Variants in DNAAF5 observed in about 807,000 individuals in gnomAD.
DNAAF5 encodes the protein dynein axonemal assembly factor 5, also known as HEAT repeat containing 2.
Under a neutral mutation model 75.8 loss-of-function variants are expected in DNAAF5, and 64 were observed. That is an observed-to-expected ratio of 0.84 (90% CI 0.69 to 1.04). The LOEUF is 1.04. Among genes scored for constraint, DNAAF5 ranks in the 50% least tolerant of loss-of-function variants. DNAAF5 has a pLI of 0.00. For missense variants in DNAAF5, 1,269 were observed against 1,178.5 expected (o/e 1.08, Z -1.12); for synonymous variants, 657 against 557.2 (o/e 1.18, Z -2.52).
In DNAAF5 at chr7:729,718, C is replaced by T; in HGVS notation, c.651C>T (p.Ser217=). ...TCGGGCCCCTGATGCAGACCATCTC[C>T]CACCAGCACTGGAAGGTCCGTGTGG... ...SLIGPLMQTI[S]HQHWKVRVAA... is the part of the protein sequence containing the mutation. Residue 217 remains serine, a synonymous_variant, in exon 2 of 13, where the codon TCC becomes TCT. Transcript: ENST00000297440. 6.2e-7 allele frequency: 1 copy of T among 1,614,158 alleles called. No individual in the cohort carries two copies. The highest frequency in any genetic ancestry group is 8.5e-7 in the Non-Finnish European group (1 of 1,180,022).
At chr7:741,771 C>T (rs905641920) in intron 4 of DNAAF5, among the ~76,000 whole-genome samples, 1 of 152,218 alleles carries the variant, frequency 6.6e-6, no homozygotes. Flanking sequence ...GTCCGCCCCC[C>T]TCCGTTGGCT....
At position 754,656 on chromosome 7, in the gene DNAAF5, G is replaced by A. The variant is rs535182648; in HGVS notation, c.1092G>A (p.Leu364=). The change falls in exon 5 of 13, where the codon CTG becomes CTA. Residue 364 remains leucine (L), a synonymous_variant. Transcript: ENST00000297440. The surrounding 1 kb of genome is among the most constrained non-coding windows in gnomAD (Gnocchi z 4.8). Reference sequence around the variant, plus strand: ...ACCTCTCCAAGATCCTCCCTGCCCTGTGCCACGACATCACCGACTGGGTGG... The same window carrying A: ...ACCTCTCCAAGATCCTCCCTGCCCTATGCCACGACATCACCGACTGGGTGG... The part of the protein sequence containing the change: ...FRNLSKILPA[L]CHDITDWVVG... 2 of 1,614,154 alleles carry A rather than the reference G, an allele frequency of 1.2e-6. No individual in the cohort carries two copies. The highest frequency in any genetic ancestry group is 4.5e-5 in the East Asian group (2 of 44,876).
chr7:762,746 C>T (rs1178721749), intron 7 of DNAAF5, among the ~76,000 whole-genome samples: 7 of 151,680 alleles, frequency 4.6e-5, no homozygotes, highest in Non-Finnish European at 7.4e-5. Flanking sequence ...CCTGAGTAGC[C>T]GGGATTACAG....
intron 11 of DNAAF5, among the ~76,000 whole-genome samples, chr7:775,617 T>C (rs1778736293): frequency 6.6e-6 from 1 of 152,222 alleles, no homozygotes; most frequent in South Asian, 2.1e-4. Flanking sequence ...TATAAATATG[T>C]ATGTATTGGG....
rs770617037 is a variant in DNAAF5, at chr7:786,219, C to T, written c.*566C>T. ...TGTCCGGTCACCGTATGTTTTAAGT[C>T]GGTGTTAATGCTAACAGTGTTGAAA... On this transcript the variant is annotated 3_prime_UTR_variant, in exon 13 of 13. Transcript: ENST00000297440. 1.3e-5 allele frequency: 2 copies of T among 152,492 alleles called. No individual in the cohort carries two copies. Among genetic ancestry groups the T allele is most frequent in the African/African-American group, 4.8e-5 (2 of 41,408 alleles). The allele number at this position is 152,492 out of a possible 1,614,324, so 9.4% of individuals were successfully genotyped here.
At position 768,837 on chromosome 7, in the gene DNAAF5, A is replaced by G. The variant is rs528679810; in HGVS notation, c.1784-1634A>G. On this transcript the variant is annotated intron_variant, in intron 8 of 12. Transcript: ENST00000297440. ...GCTGTTTTCTTTTTGTTTTTAAGCC[A>G]GAAACACTGTCTTGTTTCCAGTTTA... 1.5e-5 allele frequency: 5 copies of G among 338,358 alleles called. No homozygotes were observed. In the South Asian group the frequency reaches 2.2e-4, roughly 15 times the overall value. 21.0% of individuals were successfully genotyped at this position (338,358 alleles called of 1,614,324 possible).
At chr7:746,931 C>T (rs1407802604) in intron 4 of DNAAF5, among the ~76,000 whole-genome samples, 1 of 152,200 alleles carries the variant, frequency 6.6e-6, no homozygotes, top group South Asian at 2.1e-4. Flanking sequence ...TCTGCTCTTT[C>T]CTCTCTGTGT....
chr7:741,548 C>T (rs1252278819), intron 4 of DNAAF5, 83 bp downstream of exon 4: 4 of 848,018 alleles, frequency 4.7e-6, no homozygotes, highest in East Asian at 2.7e-5. Context: ...AAGGAAGCTT[C>T]AGCTCTTGCA....
chr7:752,376 C>T (rs890352689), intron 4 of DNAAF5, among the ~76,000 whole-genome samples: 3 of 147,780 alleles, frequency 2.0e-5, no homozygotes, highest in East Asian at 4.1e-4. Flanking sequence ...CCTTTGTCAC[C>T]GCGGGCCGGG....
At chr7:744,288 C>T (rs1583485744) in intron 4 of DNAAF5, among the ~76,000 whole-genome samples, 1 of 152,176 alleles carries the variant, frequency 6.6e-6, no homozygotes, top group Non-Finnish European at 1.5e-5. Flanking sequence ...TTTATGGCTG[C>T]ATAGTATTCC....
intron 4 of DNAAF5, among the ~76,000 whole-genome samples, chr7:749,161 G>C (rs1382777296): frequency 6.6e-6 from 1 of 152,112 alleles, no homozygotes; most frequent in Non-Finnish European, 1.5e-5. Flanking sequence ...TCCTCAAGTC[G>C]GTCATTTCCC....
chr7:778,997 A>G (rs1778851635), intron 11 of DNAAF5, among the ~76,000 whole-genome samples: 1 of 152,280 alleles, frequency 6.6e-6, no homozygotes, highest in South Asian at 2.1e-4. Flanking sequence ...TGGAAGGCCC[A>G]GCACCCTCAG....
chr7:770,732 C>A, intron 9 of DNAAF5, 114 bp downstream of exon 9: 1 of 1,014,758 alleles, frequency 9.9e-7, no homozygotes, highest in Non-Finnish European at 1.4e-6. Context: ...TTCCCCAACA[C>A]TGCACTGCGC....
intron 4 of DNAAF5, among the ~76,000 whole-genome samples, chr7:746,563 C>A (rs547603764): frequency 1.3e-5 from 2 of 150,190 alleles, no homozygotes; most frequent in Admixed American, 6.6e-5. Context: ...CCGCCGTGCC[C>A]AGGCTCTGTG....
intron 8 of DNAAF5, 60 bp from the exon 9 acceptor site, chr7:770,411 G>T (rs1778514730): frequency 1.3e-6 from 2 of 1,549,148 alleles, no homozygotes; most frequent in Non-Finnish European, 1.8e-6. Flanking sequence ...GCCTGTGCTG[G>T]ATGGGGCCTC....
At position 729,811 on chromosome 7, in the gene DNAAF5, C is replaced by T. The variant is rs1293955355; in HGVS notation, c.744C>T (p.Ser248=). ...GNGKSVDDVL[S]HFAQRLFDDV... ...GGAAGTCCGTGGACGACGTGCTTTC[C>T]CATTTTGCTCAGCGACTGTTTGATG... Residue 248 remains serine (S), a synonymous_variant, in exon 2 of 13, where the codon TCC becomes TCT. Transcript: ENST00000297440. 6.2e-7 allele frequency: 1 copy of T among 1,614,196 alleles called. No individual in the cohort carries two copies. The highest frequency in any genetic ancestry group is 8.5e-7 in the Non-Finnish European group (1 of 1,180,034).
At chr7:732,820 C>T (rs570561962) in intron 2 of DNAAF5, among the ~76,000 whole-genome samples, 1 of 152,128 alleles carries the variant, frequency 6.6e-6, no homozygotes, top group South Asian at 2.1e-4. Flanking sequence ...ATTTGCTGTG[C>T]AGAAGCTTTT....
Position 754,711 on chromosome 7 carries a change from C to T in DNAAF5, c.1147C>T (p.Leu383Phe), listed in dbSNP as rs777522917. ...GACCCGAGTGAAGTCGGCACAGCTG[C>T]TCCCAGTGCTGCTGCTGCATGCCGA... ...VGTRVKSAQLLPVLLLHAEDH... is the reference protein window; with the variant it reads ...VGTRVKSAQLFPVLLLHAEDH... The change falls in exon 5 of 13, where the codon CTC becomes TTC. Residue 383 changes from leucine (L) to phenylalanine (F), a missense_variant. Coordinates refer to ENST00000297440, the MANE Select transcript of DNAAF5 (RefSeq NM_017802.4). The surrounding 1 kb of genome is among the most constrained non-coding windows in gnomAD (Gnocchi z 4.8). 3.7e-6 allele frequency: 6 copies of T among 1,613,962 alleles called. No individual in the cohort carries two copies. The highest frequency in any genetic ancestry group is 4.5e-5 in the East Asian group (2 of 44,884).
At chr7:733,700 T>C (rs1781652475) in intron 2 of DNAAF5, among the ~76,000 whole-genome samples, 1 of 152,134 alleles carries the variant, frequency 6.6e-6, no homozygotes. Context: ...TTCACCATGT[T>C]AGCCAGGATG....
Sources: allele counts gnomAD v4.1 joint callset (sites outside exome capture counted in the v4.1 genomes callset), GRCh38; gene constraint gnomAD v4.1.1; non-coding constraint Gnocchi (gnomAD v3.1); transcripts MANE v1.5; gene names NCBI Gene and HGNC (gene_info 2026-07-23, HGNC 2026-07-21).